The following EIF4E3 variants were observed in gnomAD, a reference collection of about 807,000 sequenced individuals.
EIF4E3 encodes the protein eukaryotic translation initiation factor 4E family member 3, also known as eukaryotic translation initiation factor 4E type 3.
EIF4E3 carries 26 observed loss-of-function variants against 31.7 expected under a neutral mutation model. That is an observed-to-expected ratio of 0.82 (90% CI 0.60 to 1.14). The LOEUF (loss-of-function observed/expected upper bound fraction) is 1.14. Among genes scored for constraint, EIF4E3 ranks in the 50% most tolerant of loss-of-function variants. EIF4E3 has a pLI of 0.00. For missense variants in EIF4E3, 304 were observed against 270.9 expected, an observed-to-expected ratio of 1.12 and a Z score of -0.86; for synonymous variants, 128 against 107.7, an observed-to-expected ratio of 1.19 and a Z score of -1.17.
chr3:71,692,127 T>C (rs1210207899), intron 5 of EIF4E3, among the ~76,000 whole-genome samples: 5 of 152,190 alleles, frequency 3.3e-5, no homozygotes. Flanking sequence ...GCAACTCTTA[T>C]CCAAAGGCAG....
chr3:71,716,278 G>C (rs931951461), intron 1 of EIF4E3, among the ~76,000 whole-genome samples: 5 of 152,014 alleles, frequency 3.3e-5, no homozygotes, highest in African/African-American at 1.2e-4. Flanking sequence ...TGTTGCCCAA[G>C]CTGGAGCGCA....
chr3:71,713,546 T>C (rs2049414432), intron 1 of EIF4E3, among the ~76,000 whole-genome samples: 1 of 152,032 alleles, frequency 6.6e-6, no homozygotes, highest in Admixed American at 6.6e-5. Context: ...AAGCAATCCT[T>C]CTGCCTCAGC....
chr3:71,684,865 A>AT (rs1015605865), intron 6 of EIF4E3, 137 bp from the exon 7 acceptor site: 9 of 779,952 alleles, frequency 1.2e-5, no homozygotes, highest in African/African-American at 5.3e-5. Context: ...TTATTTATTT[A>AT]TTTTTTTGCC....
chr3:71,700,925 G>A (rs190803372), intron 2 of EIF4E3, among the ~76,000 whole-genome samples: 1 of 152,252 alleles, frequency 6.6e-6, no homozygotes, highest in Admixed American at 6.5e-5. Context: ...AGGTCATGAG[G>A]GTATAGTCAC....
intron 1 of EIF4E3, among the ~76,000 whole-genome samples, chr3:71,723,001 G>A (rs906474284): frequency 2.6e-5 from 4 of 152,212 alleles, no homozygotes; most frequent in Admixed American, 6.5e-5. Flanking sequence ...TCAGCACACA[G>A]TAGGCTGGAA....
chr3:71,687,924 T>C (rs2049015131), intron 6 of EIF4E3, among the ~76,000 whole-genome samples: 4 of 152,332 alleles, frequency 2.6e-5, no homozygotes, highest in Admixed American at 1.3e-4. Context: ...TCAGCCCAAA[T>C]CTTATTTTTC....
Position 71,682,068 on chromosome 3 carries a change from A to G in EIF4E3, c.*2614T>C, listed in dbSNP as rs902671881. 2 of 152,254 alleles carry G rather than the reference A, an allele frequency of 1.3e-5. No homozygotes were observed. Among genetic ancestry groups the G allele is most frequent in the African/African-American group, 4.8e-5 (2 of 41,478 alleles). The allele number at this position is 152,254 out of a possible 1,614,324, so 9.4% of individuals were successfully genotyped here. ...AGTTCAGCAAGTGCTTACGAAAGAC[A>G]GTCAAAATATAGGCAAGTTACTTTA... On this transcript the variant is annotated 3_prime_UTR_variant, in exon 7 of 7. Coordinates refer to ENST00000425534, the MANE Select transcript of EIF4E3 (RefSeq NM_001134651.2).
chr3:71,669,308 G>A, the EIF4E3 span, among the ~76,000 whole-genome samples: 311 of 152,184 alleles, frequency 2.0e-3, 3 homozygotes, highest in Non-Finnish European at 2.8e-3. Context: ...GGTAGATGAC[G>A]GGTTGATGGG....
chr3:71,705,350 G>A (rs2049277256), intron 2 of EIF4E3, among the ~76,000 whole-genome samples: 2 of 152,108 alleles, frequency 1.3e-5, no homozygotes, highest in Admixed American at 6.5e-5. Flanking sequence ...CTTGACCTGC[G>A]GATATGAAGT....
At chr3:71,738,200 T>C (rs1317349617) in intron 1 of EIF4E3, among the ~76,000 whole-genome samples, 1 of 151,808 alleles carries the variant, frequency 6.6e-6, no homozygotes, top group Non-Finnish European at 1.5e-5. Context: ...ACAAGAAGAG[T>C]CTAGTTTCTC....
At chr3:71,714,452 G>GGGCAC (rs1386231089) in intron 1 of EIF4E3, among the ~76,000 whole-genome samples, 1 of 152,118 alleles carries the variant, frequency 6.6e-6, no homozygotes, top group African/African-American at 2.4e-5. Flanking sequence ...TCCAGCTGAT[G>GGGCAC]GGCACCTTTC....
At chr3:71,665,257 G>A in the EIF4E3 span, among the ~76,000 whole-genome samples, 4 of 152,162 alleles carry the variant, frequency 2.6e-5, no homozygotes, top group African/African-American at 7.2e-5. Flanking sequence ...ACTTTAGTAC[G>A]AGTTTCCAAG....
upstream of EIF4E3, chr3:71,754,547 C>T (rs992493429): frequency 3.7e-6 from 5 of 1,351,918 alleles, no homozygotes; most frequent in African/African-American, 7.7e-5. The surrounding 1 kb of genome is among the most constrained non-coding windows in gnomAD (Gnocchi z 5.8). Flanking sequence ...GTGGCGACGA[C>T]GAGGACGCGC....
At chr3:71,694,037 T>C in intron 4 of EIF4E3, 96 bp from the exon 5 acceptor site, 1 of 1,234,088 alleles carries the variant, frequency 8.1e-7, no homozygotes, top group Non-Finnish European at 1.1e-6. Context: ...TTTCTTCAAC[T>C]TCACATGCAC....
chr3:71,721,100 T>C (rs1215397748), intron 1 of EIF4E3, among the ~76,000 whole-genome samples: 1 of 152,212 alleles, frequency 6.6e-6, no homozygotes, highest in Non-Finnish European at 1.5e-5. Context: ...TGGATTTCCT[T>C]AGCTTTCAGA....
chr3:71,715,960 T>G (rs76287646), intron 1 of EIF4E3, among the ~76,000 whole-genome samples: 1,637 of 152,262 alleles, frequency 0.011, 10 homozygotes, highest in Non-Finnish European at 0.017. Context: ...ACCTTCCCCT[T>G]AAACTAGGCT....
At chr3:71,708,909 C>T (rs1422433803) in intron 2 of EIF4E3, among the ~76,000 whole-genome samples, 2 of 152,186 alleles carry the variant, frequency 1.3e-5, no homozygotes, top group Non-Finnish European at 2.9e-5. Context: ...TGCTGCTCTG[C>T]TTCCCACAAG....
rs2048946010 is a variant in EIF4E3, at chr3:71,683,312, A to T, written c.*1370T>A. 6.6e-6 allele frequency: 1 copy of T among 152,224 alleles called. No individual in the cohort carries two copies. The highest frequency in any genetic ancestry group is 2.1e-4 in the South Asian group (1 of 4,832). 9.4% of individuals were successfully genotyped at this position (152,224 alleles called of 1,614,324 possible). ...GCAAGAGGAATTAAAAATCCCAGGT[A>T]CAGTGAAGTTCTGAGTGCACTGCCC... On this transcript the variant is annotated 3_prime_UTR_variant, in exon 7 of 7. Coordinates refer to ENST00000425534, the MANE Select transcript of EIF4E3 (RefSeq NM_001134651.2).
Position 71,700,558 on chromosome 3 carries a change from G to A in EIF4E3, c.250-850C>T, listed in dbSNP as rs866952317. Reference sequence around the variant, plus strand: ...GAACCTGGGAGGCGGAGGTTGCAGTGAGCCGAGATCACACCATTGCACTCC... The same window carrying A: ...GAACCTGGGAGGCGGAGGTTGCAGTAAGCCGAGATCACACCATTGCACTCC... On this transcript the variant is annotated intron_variant, in intron 2 of 6. Coordinates refer to ENST00000425534, the MANE Select transcript of EIF4E3 (RefSeq NM_001134651.2). Among the ~76,000 whole-genome samples the A allele has an allele frequency of 1.1e-3, 154 of 146,110 alleles. 1 individual carries two copies. Among genetic ancestry groups the A allele is most frequent in the African/African-American group, 3.6e-3 (143 of 39,364 alleles).
Sources: gnomAD v4.1 joint callset for allele counts (sites outside exome capture counted in the v4.1 genomes callset) on GRCh38, gnomAD v4.1.1 for gene constraint, Gnocchi (gnomAD v3.1) non-coding constraint, MANE v1.5 for transcripts, NCBI Gene and HGNC (gene_info 2026-07-23, HGNC 2026-07-21) for gene names.